The following LRBA variants were observed in gnomAD, a reference collection of about 807,000 sequenced individuals.
LRBA encodes the protein lipopolysaccharide-responsive and beige-like anchor protein.
A neutral mutation model predicts 330.0 loss-of-function variants in LRBA; 176 were observed. The observed-to-expected ratio is 0.53, with a 90% CI of 0.47 to 0.60. The LOEUF is 0.60. Ranked by LOEUF, LRBA falls within the 20% of genes least tolerant of loss-of-function variation. LRBA has a pLI of 0.00. For synonymous variants in LRBA, 1,230 were observed against 1,193.0 expected, an observed-to-expected ratio of 1.03 and a Z score of -0.64; for missense variants, 3,259 against 3,444.8, an observed-to-expected ratio of 0.95 and a Z score of 1.35.
chr4:150,315,419 ATTGCATTCCAAT>A, intron 51 of LRBA, 130 bp downstream of exon 51: 2 of 737,652 alleles, frequency 2.7e-6, no homozygotes, highest in Non-Finnish European at 4.8e-6. Flanking sequence ...GCCACAGCTC[ATTGCATTCCAAT>A]TTGCATGCAA....
intron 17 of LRBA, among the ~76,000 whole-genome samples, chr4:150,876,393 C>T (rs950747023): frequency 6.6e-6 from 1 of 152,090 alleles, no homozygotes; most frequent in African/African-American, 2.4e-5. Context: ...AAATGAACAT[C>T]ACCACAGCAT....
At chr4:150,927,447 G>A (rs899757263) in intron 4 of LRBA, among the ~76,000 whole-genome samples, 2 of 151,028 alleles carry the variant, frequency 1.3e-5, no homozygotes, top group Admixed American at 6.6e-5. Flanking sequence ...TTAACACACT[G>A]CTGAAGAAAA....
chr4:150,292,089 C>T (rs1476295087), intron 53 of LRBA, among the ~76,000 whole-genome samples: 1 of 152,180 alleles, frequency 6.6e-6, no homozygotes, highest in Non-Finnish European at 1.5e-5. Context: ...CAAACGTTTT[C>T]ATTAGTTGTG....
chr4:150,750,444 T>C (rs1056604875), intron 35 of LRBA, among the ~76,000 whole-genome samples: 1 of 152,204 alleles, frequency 6.6e-6, no homozygotes, highest in Non-Finnish European at 1.5e-5. Flanking sequence ...CTCTAAGGAA[T>C]ATTCTGCAAT....
intron 37 of LRBA, among the ~76,000 whole-genome samples, chr4:150,681,295 G>T (rs1044462035): frequency 6.6e-6 from 1 of 152,156 alleles, no homozygotes; most frequent in Non-Finnish European, 1.5e-5. Context: ...TTTACAAGCT[G>T]ATTATGCAAG....
chr4:150,756,413 T>C (rs1181577350), intron 35 of LRBA, among the ~76,000 whole-genome samples: 1 of 152,080 alleles, frequency 6.6e-6, no homozygotes, highest in Non-Finnish European at 1.5e-5. Context: ...GCAAGTAATA[T>C]CACCAAAACC....
At chr4:150,504,874 G>C (rs1760833628) in intron 40 of LRBA, among the ~76,000 whole-genome samples, 1 of 152,168 alleles carries the variant, frequency 6.6e-6, no homozygotes, top group Non-Finnish European at 1.5e-5. Context: ...TAAAGGGATG[G>C]AGGAAGATCT....
chr4:150,964,848 AT>A (rs1738704652), intron 2 of LRBA, among the ~76,000 whole-genome samples: 2 of 152,248 alleles, frequency 1.3e-5, no homozygotes, highest in South Asian at 2.1e-4. Context: ...ATTAAAAAAA[AT>A]GAATTTAAAA....
chr4:150,579,825 C>G (rs968470123), intron 40 of LRBA: 15 of 423,402 alleles, frequency 3.5e-5, no homozygotes, highest in Non-Finnish European at 5.7e-5. Context: ...CACTCACTCT[C>G]GGGAGCGTCG....
At chr4:150,805,520 AAAAGG>A (rs1176160208) in intron 33 of LRBA, among the ~76,000 whole-genome samples, 6 of 123,540 alleles carry the variant, frequency 4.9e-5, no homozygotes, top group African/African-American at 1.2e-4. Context: ...GAAGGAAAGG[AAAAGG>A]AAAGGAAAGG....
intron 35 of LRBA, among the ~76,000 whole-genome samples, chr4:150,753,203 C>T (rs1361367527): frequency 6.6e-6 from 1 of 152,166 alleles, no homozygotes; most frequent in Admixed American, 6.6e-5. Context: ...TCTCATATCA[C>T]TTATCTCCTG....
intron 44 of LRBA, among the ~76,000 whole-genome samples, chr4:150,457,511 T>TA (rs1229281197): frequency 1.3e-5 from 2 of 151,968 alleles, no homozygotes; most frequent in Non-Finnish European, 1.5e-5. Flanking sequence ...TTATCCACTG[T>TA]AAAAAAGCAT....
intron 40 of LRBA, among the ~76,000 whole-genome samples, chr4:150,507,973 C>T (rs1335490333): frequency 6.7e-6 from 1 of 148,612 alleles, no homozygotes; most frequent in East Asian, 2.0e-4. Flanking sequence ...AAACTATTGC[C>T]AAGGACAAAA....
At chr4:150,302,298 C>T (rs113604024) in intron 53 of LRBA, among the ~76,000 whole-genome samples, 1 of 152,056 alleles carries the variant, frequency 6.6e-6, no homozygotes, top group East Asian at 1.9e-4. Flanking sequence ...ATTCAATAAA[C>T]AAGGTAATAT....
At chr4:150,973,045 G>T (rs545213173) in intron 2 of LRBA, among the ~76,000 whole-genome samples, 9 of 152,196 alleles carry the variant, frequency 5.9e-5, no homozygotes, top group Non-Finnish European at 7.3e-5. Context: ...TAGCACTTTG[G>T]GAAGCCAAGG....
intron 2 of LRBA, among the ~76,000 whole-genome samples, chr4:150,930,861 AAC>A (rs1349317413): frequency 6.6e-6 from 1 of 152,206 alleles, no homozygotes; most frequent in African/African-American, 2.4e-5. Flanking sequence ...ATTTTGCTAA[AAC>A]AGTCTCTCCT....
rs577968916 is a variant in LRBA, at chr4:150,938,957, G to T, written c.217-9892C>A. On this transcript the variant is annotated intron_variant, in intron 2 of 56. Transcript: ENST00000651943. The stretch of plus-strand genomic sequence containing the variant: ...TATATTATCTATAACTATCTCAAAT[G>T]ATGTATCCTTATTCCCCATTCTTAT... Among the ~76,000 whole-genome samples, 4 of 152,260 alleles carry T rather than the reference G, an allele frequency of 2.6e-5. No individual in the cohort carries two copies. In the South Asian group the frequency reaches 8.3e-4, roughly 32 times the overall value.
intron 48 of LRBA, among the ~76,000 whole-genome samples, chr4:150,330,202 A>G (rs150641491): frequency 8.8e-4 from 134 of 152,230 alleles, no homozygotes; most frequent in African/African-American, 3.0e-3. Context: ...TTCTACAAAT[A>G]TAAGCCATCT....
chr4:150,547,651 T>C (rs1766015109), intron 40 of LRBA, among the ~76,000 whole-genome samples: 1 of 152,114 alleles, frequency 6.6e-6, no homozygotes. Context: ...AACCTTTAAT[T>C]GGATTGGGAG....
Sources: gnomAD v4.1 joint callset for allele counts (sites outside exome capture counted in the v4.1 genomes callset) on GRCh38, gnomAD v4.1.1 for gene constraint, MANE v1.5 for transcripts, NCBI Gene and HGNC (gene_info 2026-07-23, HGNC 2026-07-21) for gene names.